The following PRKCB variants were observed in gnomAD, a reference collection of about 807,000 sequenced individuals.
The protein encoded by PRKCB is protein kinase C beta type.
In PRKCB, 13 loss-of-function variants were observed where a neutral mutation model predicts 81.5. The ratio of observed to expected loss-of-function variants is 0.16; its 90% CI spans 0.10 to 0.25. The LOEUF (loss-of-function observed/expected upper bound fraction) is 0.25, where lower values mean the gene tolerates loss of function less well. Ranked by LOEUF, PRKCB falls within the 10% of genes least tolerant of loss-of-function variation. The pLI is 1.00. For missense variants in PRKCB, 509 were observed against 875.7 expected (o/e 0.58, Z 5.29); for synonymous variants, 335 against 321.4 (o/e 1.04, Z -0.45).
intron 3 of PRKCB, among the ~76,000 whole-genome samples, chr16:24,017,178 C>T (rs1965290765): frequency 6.6e-6 from 1 of 151,920 alleles, no homozygotes; most frequent in African/African-American, 2.4e-5. Flanking sequence ...GAGAGAGAGA[C>T]AGATCAGTGG....
Position 23,836,171 on chromosome 16 carries a change from G to T in PRKCB, c.-5G>T. Reference sequence around the variant, plus strand: ...CCTCTCGGGCTCCGGCTCCCCGCGCGCAAGATGGCTGACCCGGCTGCGGGG... The same window carrying T: ...CCTCTCGGGCTCCGGCTCCCCGCGCTCAAGATGGCTGACCCGGCTGCGGGG... On this transcript the variant is annotated 5_prime_UTR_variant, in exon 1 of 17. Coordinates refer to ENST00000643927, the MANE Select transcript of PRKCB (RefSeq NM_002738.7). 1 of 1,533,316 alleles carries T rather than the reference G, an allele frequency of 6.5e-7. No homozygotes were observed. The highest frequency in any genetic ancestry group is 8.7e-7 in the Non-Finnish European group (1 of 1,144,368). 95.0% of individuals were successfully genotyped at this position (1,533,316 alleles called of 1,614,324 possible).
chr16:23,971,634 A>T (rs1964558261), intron 2 of PRKCB, among the ~76,000 whole-genome samples: 1 of 152,138 alleles, frequency 6.6e-6, no homozygotes, highest in African/African-American at 2.4e-5. Context: ...CCGCTCTGTG[A>T]TGCTAGCCCC....
Position 23,882,025 on chromosome 16 carries a change from C to CTCTTT in PRKCB, c.205+44619_205+44620insTCTTT, listed in dbSNP as rs1597226197. Among the ~76,000 whole-genome samples, 49 of 18,282 alleles carry CTCTTT rather than the reference C, an allele frequency of 2.7e-3. 3 individuals carry two copies. The highest frequency in any genetic ancestry group is 4.8e-3 in the Admixed American group (6 of 1,260). The allele number at this position is 18,282 out of a possible 152,430, so 12.0% of individuals were successfully genotyped here. On this transcript the variant is annotated intron_variant, in intron 2 of 16. Coordinates refer to ENST00000643927, the MANE Select transcript of PRKCB (RefSeq NM_002738.7). ...TTCTTTCTTTCTTTCTTTCTTTCTTCCTTCCTTCCTTCCTTCCTTCCTTCC... is the reference window on the plus strand; with the variant it reads ...TTCTTTCTTTCTTTCTTTCTTTCTTCTCTTTCTTCCTTCCTTCCTTCCTTCCTTCC...
chr16:23,875,865 C>G (rs1017010973), intron 2 of PRKCB, among the ~76,000 whole-genome samples: 2 of 151,704 alleles, frequency 1.3e-5, no homozygotes, highest in Non-Finnish European at 2.9e-5. Context: ...TAACGAAATA[C>G]CAGTATTAGG....
rs148713796 is a variant in PRKCB, at chr16:24,143,024, G to A, written c.1066-11660G>A. Among the ~76,000 whole-genome samples, 806 of 152,206 alleles carry A rather than the reference G, an allele frequency of 5.3e-3. 6 individuals are homozygous for A. Among genetic ancestry groups the A allele is most frequent in the African/African-American group, 0.018 (747 of 41,520 alleles). On this transcript the variant is annotated intron_variant, in intron 9 of 16. Transcript: ENST00000643927. ...AACTTGCTTGTCTGTCCCTCCCCAAGTTGACCTCAGTTTATCACACCTTAC... is the reference window on the plus strand; with the variant it reads ...AACTTGCTTGTCTGTCCCTCCCCAAATTGACCTCAGTTTATCACACCTTAC...
At chr16:23,921,386 T>C (rs8054675) in intron 2 of PRKCB, among the ~76,000 whole-genome samples, 62,001 of 152,004 alleles carry the variant, frequency 0.41, 13,017 homozygotes, top group South Asian at 0.58. Context: ...AGTGATTAAG[T>C]TGCCATTAAG....
chr16:24,049,896 G>A (rs982843850), intron 5 of PRKCB, among the ~76,000 whole-genome samples: 2 of 152,188 alleles, frequency 1.3e-5, no homozygotes, highest in Non-Finnish European at 2.9e-5. Flanking sequence ...CATGGAATAA[G>A]GGATTTACTG....
chr16:24,021,623 AG>A (rs1965405804), intron 3 of PRKCB, among the ~76,000 whole-genome samples: 2 of 152,038 alleles, frequency 1.3e-5, no homozygotes, highest in East Asian at 1.9e-4. Context: ...GCTGAGGAGC[AG>A]GGGGGCAGCC....
At chr16:23,852,683 C>A (rs1278964988) in intron 2 of PRKCB, among the ~76,000 whole-genome samples, 1 of 152,128 alleles carries the variant, frequency 6.6e-6, no homozygotes, top group Non-Finnish European at 1.5e-5. Context: ...GATTGACATC[C>A]AGATCAAGAA....
At chr16:23,881,021 AGT>A (rs1567300508) in intron 2 of PRKCB, among the ~76,000 whole-genome samples, 3 of 152,126 alleles carry the variant, frequency 2.0e-5, no homozygotes, top group African/African-American at 7.2e-5. Context: ...TGTTACAAGC[AGT>A]GCTCTGATGA....
At chr16:23,854,811 G>A (rs906124171) in intron 2 of PRKCB, among the ~76,000 whole-genome samples, 1 of 152,080 alleles carries the variant, frequency 6.6e-6, no homozygotes, top group Non-Finnish European at 1.5e-5. Context: ...TGTGGTCCTC[G>A]CAATTGCTTG....
At chr16:23,962,284 C>A (rs1964436840) in intron 2 of PRKCB, among the ~76,000 whole-genome samples, 1 of 152,154 alleles carries the variant, frequency 6.6e-6, no homozygotes, top group Non-Finnish European at 1.5e-5. Flanking sequence ...GGTTTCGCTC[C>A]CTAACGTCCC....
chr16:23,990,166 G>A (rs1964864301), intron 3 of PRKCB, among the ~76,000 whole-genome samples: 1 of 152,102 alleles, frequency 6.6e-6, no homozygotes, highest in Admixed American at 6.6e-5. Flanking sequence ...GGGAGAAGAA[G>A]CTTTTTTTTT....
chr16:24,137,684 C>G (rs1966869631), intron 9 of PRKCB, among the ~76,000 whole-genome samples: 1 of 152,212 alleles, frequency 6.6e-6, no homozygotes, highest in South Asian at 2.1e-4. Flanking sequence ...AACTTTATCT[C>G]TATGTATTAT....
In PRKCB at chr16:24,172,255, G is replaced by T; in HGVS notation, c.1240-15G>T. The T allele has an allele frequency of 6.2e-7, 1 of 1,606,520 alleles. No individual in the cohort carries two copies. Among genetic ancestry groups the T allele is most frequent in the Non-Finnish European group, 8.5e-7 (1 of 1,173,592 alleles). On this transcript the variant is annotated splice_polypyrimidine_tract_variant and intron_variant, in intron 10 of 16. Coordinates refer to ENST00000643927, the MANE Select transcript of PRKCB (RefSeq NM_002738.7). ...CTACGGGATGCTAATGTTGCTGTTT[G>T]CTGTCCTCTTCCAGGACCGCCTGTA...
intron 12 of PRKCB, among the ~76,000 whole-genome samples, chr16:24,176,464 C>A (rs1306571380): frequency 2.0e-5 from 3 of 152,158 alleles, no homozygotes; most frequent in Admixed American, 6.5e-5. Context: ...TGCCCATGCC[C>A]ATGTTTGCCC....
At chr16:23,876,587 A>C (rs1963017337) in intron 2 of PRKCB, among the ~76,000 whole-genome samples, 1 of 151,306 alleles carries the variant, frequency 6.6e-6, no homozygotes, top group South Asian at 2.1e-4. Flanking sequence ...TTTTTGAAAA[A>C]AAAAAATGAC....
chr16:24,112,827 GAAAAACA>G (rs1189664268), intron 7 of PRKCB, 139 bp from the exon 8 acceptor site: 1 of 555,656 alleles, frequency 1.8e-6, no homozygotes, highest in Non-Finnish European at 3.2e-6. Flanking sequence ...CCAACATACT[GAAAAACA>G]AACCAAAACA....
chr16:24,127,579 G>A (rs556330990), intron 9 of PRKCB, among the ~76,000 whole-genome samples: 3 of 152,274 alleles, frequency 2.0e-5, no homozygotes, highest in Admixed American at 6.5e-5. Context: ...ACGAGAGGAT[G>A]TTTGATGGAG....
Sources: allele counts gnomAD v4.1 joint callset (sites outside exome capture counted in the v4.1 genomes callset), GRCh38; gene constraint gnomAD v4.1.1; transcripts MANE v1.5; gene names NCBI Gene and HGNC (gene_info 2026-07-23, HGNC 2026-07-21).